The following CASR variants were observed in gnomAD, a reference collection of about 807,000 sequenced individuals.
The protein encoded by CASR is calcium sensing receptor, also known as extracellular calcium-sensing receptor.
In CASR, 23 loss-of-function variants were observed where a neutral mutation model predicts 69.1. The ratio of observed to expected loss-of-function variants is 0.33; its 90% confidence interval spans 0.24 to 0.47. The LOEUF is 0.47. CASR is among the 20% of genes least tolerant of loss of function. CASR has a pLI of 1.00. For synonymous variants in CASR, 541 were observed against 544.7 expected (o/e 0.99, Z 0.10); for missense variants, 924 against 1,356.1 (o/e 0.68, Z 5.00).
Position 122,287,614 on chromosome 3 carries a change from C to G in CASR, c.*2423C>G, listed in dbSNP as rs181692649. ...GGGCTTTTGTAATGTTGGGGTGGGC[C>G]TCCTCAGTCATCAGCAGCTCCCTCA... is the stretch of plus-strand genomic sequence containing the variant. On this transcript the variant is annotated 3_prime_UTR_variant, in exon 7 of 7. Transcript: ENST00000639785. The G allele has an allele frequency of 6.6e-6, 1 of 152,310 alleles. No homozygotes were observed. Among genetic ancestry groups the G allele is most frequent in the Non-Finnish European group, 1.5e-5 (1 of 68,102 alleles). The allele number at this position is 152,310 out of a possible 1,614,324, so 9.4% of individuals were successfully genotyped here.
At chr3:122,240,938 G>T (rs2074373614) in intron 1 of CASR, among the ~76,000 whole-genome samples, 1 of 152,088 alleles carries the variant, frequency 6.6e-6, no homozygotes, top group Non-Finnish European at 1.5e-5. Context: ...TGACCAGTGG[G>T]TCAGTGAAAA....
At chr3:122,217,088 T>G (rs2074124240) in intron 1 of CASR, among the ~76,000 whole-genome samples, 1 of 150,164 alleles carries the variant, frequency 6.7e-6, no homozygotes, top group Non-Finnish European at 1.5e-5. Flanking sequence ...TTGTTTTGAG[T>G]GCAGTGAAGG....
chr3:122,202,046 AC>A (rs1290306996), intron 1 of CASR, among the ~76,000 whole-genome samples: 1 of 151,940 alleles, frequency 6.6e-6, no homozygotes, highest in African/African-American at 2.4e-5. Flanking sequence ...CAATCTCGGC[AC>A]TTTGGGAGGC....
chr3:122,231,615 C>T (rs1007204327), intron 1 of CASR, among the ~76,000 whole-genome samples: 2 of 152,150 alleles, frequency 1.3e-5, no homozygotes, highest in Admixed American at 6.5e-5. Context: ...TCTGTAATCT[C>T]GTGCTAGTCA....
chr3:122,236,419 CAT>C (rs2074329673), intron 1 of CASR, among the ~76,000 whole-genome samples: 1 of 150,642 alleles, frequency 6.6e-6, no homozygotes, highest in Non-Finnish European at 1.5e-5. Flanking sequence ...TATTTCCTGA[CAT>C]TTCCTGACAG....
chr3:122,218,473 G>T (rs1435385868), intron 1 of CASR, among the ~76,000 whole-genome samples: 1 of 149,642 alleles, frequency 6.7e-6, no homozygotes, highest in Non-Finnish European at 1.5e-5. Context: ...GGCAGAGGTT[G>T]CAGTGAGCCG....
At chr3:122,204,541 T>C (rs576643658) in intron 1 of CASR, among the ~76,000 whole-genome samples, 31 of 152,186 alleles carry the variant, frequency 2.0e-4, no homozygotes, top group Non-Finnish European at 4.1e-4. Flanking sequence ...GCAATAAACA[T>C]AGGAGTGCAA....
At chr3:122,243,636 A>G (rs1460615204) in intron 1 of CASR, among the ~76,000 whole-genome samples, 2 of 152,108 alleles carry the variant, frequency 1.3e-5, no homozygotes, top group Non-Finnish European at 2.9e-5. Flanking sequence ...AAAACTAAAA[A>G]TAGAGCTACC....
intron 1 of CASR, among the ~76,000 whole-genome samples, chr3:122,192,364 A>T (rs756272405): frequency 2.6e-5 from 4 of 152,238 alleles, no homozygotes; most frequent in Non-Finnish European, 4.4e-5. Flanking sequence ...AAATGGGTTC[A>T]TACAGGTCTA....
chr3:122,264,405 G>A (rs1031872504), intron 4 of CASR, among the ~76,000 whole-genome samples: 1 of 152,290 alleles, frequency 6.6e-6, no homozygotes, highest in South Asian at 2.1e-4. Context: ...CCATTCCTAA[G>A]TCATGGATCC....
chr3:122,212,108 C>T (rs1418323639), intron 1 of CASR, among the ~76,000 whole-genome samples: 1 of 152,154 alleles, frequency 6.6e-6, no homozygotes. Context: ...TACATGGACA[C>T]TTATGTTCAT....
intron 1 of CASR, among the ~76,000 whole-genome samples, chr3:122,188,267 A>G (rs976072591): frequency 1.3e-5 from 2 of 152,326 alleles, no homozygotes; most frequent in Middle Eastern, 3.4e-3. Context: ...GGAGAAAACT[A>G]GCTAAATGCT....
chr3:122,219,499 G>A (rs1248877117), intron 1 of CASR, among the ~76,000 whole-genome samples: 1 of 152,160 alleles, frequency 6.6e-6, no homozygotes, highest in Non-Finnish European at 1.5e-5. Context: ...TCAGGGCCAG[G>A]GGTCATCAAG....
chr3:122,221,262 T>A lies in CASR; in HGVS notation c.-242-32686T>A, dbSNP rs117750161. Among the ~76,000 whole-genome samples, 113 of 152,330 alleles carry A rather than the reference T, an allele frequency of 7.4e-4. 1 individual carries two copies. The highest frequency in any genetic ancestry group is 5.8e-3 in the East Asian group (30 of 5,192). On this transcript the variant is annotated intron_variant, in intron 1 of 6. Coordinates refer to ENST00000639785, the MANE Select transcript of CASR (RefSeq NM_000388.4). ...ACTTTGGGAAATGCTACTTTAAGAT[T>A]ACCATTCATTTTCTTTTCCCCTCAC...
At chr3:122,202,166 C>T (rs1351837857) in intron 1 of CASR, among the ~76,000 whole-genome samples, 7 of 152,242 alleles carry the variant, frequency 4.6e-5, no homozygotes, top group South Asian at 2.1e-4. Flanking sequence ...TCTGCAATCC[C>T]GGCACCTCGG....
chr3:122,262,988 G>C (rs3828359), intron 4 of CASR, among the ~76,000 whole-genome samples: 140,114 of 152,252 alleles, frequency 0.92, 64,776 homozygotes, highest in East Asian at 0.98. Flanking sequence ...GCACTGAAGT[G>C]GTTATCATAG....
chr3:122,187,383 ATATTTT>A (rs1157282683), intron 1 of CASR, among the ~76,000 whole-genome samples: 1 of 152,240 alleles, frequency 6.6e-6, no homozygotes, highest in African/African-American at 2.4e-5. Flanking sequence ...ATTCAAACAA[ATATTTT>A]TATTCATTCG....
In CASR at chr3:122,285,147, A is replaced by G. The variant is rs185453682; in HGVS notation, c.3193A>G (p.Ser1065Gly). ...GTCCAGTTCACAGAGCTTTGTCATC[A>G]GTGGTGGAGGCAGCACTGTTACAGA... ...VVSSSQSFVI[S>G]GGGSTVTENV... Residue 1065 changes from serine (S) to glycine (G), a missense_variant, in exon 7 of 7, where the codon AGT (serine) becomes GGT (glycine). Transcript: ENST00000639785. 25 of 1,614,184 alleles carry G rather than the reference A, an allele frequency of 1.5e-5. No individual in the cohort carries two copies. In the Admixed American group the frequency reaches 4.2e-4, roughly 27 times the overall value.
chr3:122,207,194 G>A, intron 1 of CASR, among the ~76,000 whole-genome samples: 1 of 151,954 alleles, frequency 6.6e-6, no homozygotes, highest in South Asian at 2.1e-4. Context: ...GCAATACAAT[G>A]GTATTGTATT....
Sources: gnomAD v4.1 joint callset for allele counts (sites outside exome capture counted in the v4.1 genomes callset) on GRCh38, gnomAD v4.1.1 for gene constraint, MANE v1.5 for transcripts, NCBI Gene and HGNC (gene_info 2026-07-23, HGNC 2026-07-21) for gene names.